The following ZNF385D variants were observed in gnomAD, a reference collection of about 807,000 sequenced individuals.
ZNF385D encodes the protein zinc finger protein 385D, also known as zinc finger protein 659.
Under a neutral mutation model 35.8 loss-of-function variants are expected in ZNF385D, and 15 were observed. That is an observed-to-expected ratio of 0.42 (90% confidence interval 0.28 to 0.64). The LOEUF (loss-of-function observed/expected upper bound fraction) is 0.64. Ranked by LOEUF, ZNF385D falls within the 30% of genes least tolerant of loss-of-function variation. The pLI is 0.23. For synonymous variants in ZNF385D, 212 were observed against 186.8 expected (o/e 1.13, Z -1.10); for missense variants, 474 against 494.6 (o/e 0.96, Z 0.39).
At chr3:22,007,089 CAT>C (rs1696256659) in intron 3 of ZNF385D, among the ~76,000 whole-genome samples, 1 of 151,186 alleles carries the variant, frequency 6.6e-6, no homozygotes. Flanking sequence ...GCAAACTGTT[CAT>C]ATGTTTCAAA....
intron 2 of ZNF385D, among the ~76,000 whole-genome samples, chr3:22,169,353 T>C (rs911534563): frequency 2.6e-5 from 4 of 152,202 alleles, no homozygotes; most frequent in East Asian, 1.9e-4. Context: ...AGTTTTAGAA[T>C]GATTAAACAA....
intron 2 of ZNF385D, among the ~76,000 whole-genome samples, chr3:22,350,166 G>T (rs1346710393): frequency 6.6e-6 from 1 of 152,090 alleles, no homozygotes; most frequent in Non-Finnish European, 1.5e-5. Flanking sequence ...GCGTTTACAT[G>T]CAAAGAAGTT....
chr3:22,196,610 T>TTAG (rs1372350884), intron 2 of ZNF385D, among the ~76,000 whole-genome samples: 2 of 152,040 alleles, frequency 1.3e-5, no homozygotes, highest in African/African-American at 4.8e-5. Context: ...TTCCTCTACT[T>TTAG]ATTAGAGTCC....
chr3:22,096,754 G>A (rs1158235076), intron 3 of ZNF385D, among the ~76,000 whole-genome samples: 1 of 152,004 alleles, frequency 6.6e-6, no homozygotes, highest in African/African-American at 2.4e-5. Context: ...CATGAAACAG[G>A]ATGGGTTAAC....
chr3:21,506,625 T>C (rs980049062), intron 4 of ZNF385D, among the ~76,000 whole-genome samples: 4 of 152,178 alleles, frequency 2.6e-5, no homozygotes, highest in African/African-American at 9.6e-5. Context: ...AATAAAAAAC[T>C]TGGTATTTAA....
intron 3 of ZNF385D, among the ~76,000 whole-genome samples, chr3:22,067,467 A>C (rs1700013931): frequency 6.6e-6 from 1 of 152,224 alleles, no homozygotes; most frequent in Non-Finnish European, 1.5e-5. Flanking sequence ...TGTATAATAT[A>C]GTTTCTGAGT....
chr3:22,241,547 T>C (rs1699493603), intron 2 of ZNF385D, among the ~76,000 whole-genome samples: 1 of 151,288 alleles, frequency 6.6e-6, no homozygotes, highest in African/African-American at 2.4e-5. Flanking sequence ...GACATTTGAG[T>C]TTTGCCTACT....
chr3:22,027,438 T>A (rs113283841), intron 3 of ZNF385D, among the ~76,000 whole-genome samples: 121 of 152,274 alleles, frequency 7.9e-4, no homozygotes, highest in African/African-American at 2.3e-3. Flanking sequence ...AGGGATGCTG[T>A]TTCAAGCCTT....
chr3:21,455,672 A>G (rs1346580470), intron 4 of ZNF385D, among the ~76,000 whole-genome samples: 1 of 152,186 alleles, frequency 6.6e-6, no homozygotes, highest in Admixed American at 6.5e-5. Flanking sequence ...GGACATAGGC[A>G]TGGGGGGCAA....
intron 2 of ZNF385D, among the ~76,000 whole-genome samples, chr3:22,280,451 T>C: frequency 6.6e-6 from 1 of 151,996 alleles, no homozygotes; most frequent in East Asian, 1.9e-4. Flanking sequence ...TTGTAAAAGG[T>C]AAGAGAAGAG....
chr3:21,611,848 A>G (rs550881455), intron 2 of ZNF385D, among the ~76,000 whole-genome samples: 1 of 152,176 alleles, frequency 6.6e-6, no homozygotes, highest in African/African-American at 2.4e-5. Flanking sequence ...AGACCTGAGC[A>G]CCTTGACTGG....
At chr3:21,819,790 ATACAT>A (rs779313751) in intron 3 of ZNF385D, among the ~76,000 whole-genome samples, 11,975 of 146,672 alleles carry the variant, frequency 0.082, 544 homozygotes, top group Non-Finnish European at 0.099. Flanking sequence ...TAAATATAAT[ATACAT>A]ATATACATAA....
intron 3 of ZNF385D, among the ~76,000 whole-genome samples, chr3:21,768,161 G>A (rs1575615438): frequency 6.6e-6 from 1 of 151,952 alleles, no homozygotes; most frequent in South Asian, 2.1e-4. Context: ...TCCTGTCATG[G>A]GACTTAATGC....
chr3:21,899,970 G>C (rs1208197751), intron 3 of ZNF385D, among the ~76,000 whole-genome samples: 1 of 152,102 alleles, frequency 6.6e-6, no homozygotes, highest in East Asian at 1.9e-4. Context: ...TCAATGTCAG[G>C]TGACACGGTT....
intron 2 of ZNF385D, among the ~76,000 whole-genome samples, chr3:22,361,971 T>G (rs1696428737): frequency 6.6e-6 from 1 of 151,790 alleles, no homozygotes; most frequent in Non-Finnish European, 1.5e-5. Context: ...TTGCTCTAAA[T>G]AGACATAGAA....
intron 1 of ZNF385D, among the ~76,000 whole-genome samples, chr3:21,685,132 T>A (rs2067063840): frequency 6.6e-6 from 1 of 152,156 alleles, no homozygotes; most frequent in Non-Finnish European, 1.5e-5. Context: ...CCCATACAGG[T>A]GTTATGGCTT....
At chr3:21,631,276 C>T (rs755675367) in intron 2 of ZNF385D, among the ~76,000 whole-genome samples, 1 of 152,068 alleles carries the variant, frequency 6.6e-6, no homozygotes, top group Non-Finnish European at 1.5e-5. Flanking sequence ...AAGAGTTCTC[C>T]TCTCCTACCC....
At position 22,202,608 on chromosome 3, in the gene ZNF385D, G is replaced by GTACC. The variant is rs1229546786; in HGVS notation, c.107-33577_107-33574dup. Among the ~76,000 whole-genome samples, 5 of 152,136 alleles carry GTACC rather than the reference G, an allele frequency of 3.3e-5. No homozygotes were observed. The South Asian group carries it at 8.3e-4, about 25-fold the overall frequency. On this transcript the variant is annotated intron_variant, in intron 2 of 5. Coordinates refer to the ZNF385D transcript ENST00000494108. ...ACCAAAAATCAGGTAAGTGATCACAGTACCTGGTTTTAACTTCCTATCTTT... is the reference window on the plus strand; with the variant it reads ...ACCAAAAATCAGGTAAGTGATCACAGTACCTACCTGGTTTTAACTTCCTATCTTT...
chr3:21,476,824 C>T (rs1313695084), intron 4 of ZNF385D, among the ~76,000 whole-genome samples: 1 of 152,096 alleles, frequency 6.6e-6, no homozygotes, highest in East Asian at 1.9e-4. Flanking sequence ...TTCCAGGAAG[C>T]TCTCCTTCTT....
Sources: allele counts gnomAD v4.1 joint callset (sites outside exome capture counted in the v4.1 genomes callset), GRCh38; gene constraint gnomAD v4.1.1; transcripts MANE v1.5; gene names NCBI Gene and HGNC (gene_info 2026-07-23, HGNC 2026-07-21).